The following PFKP variants were observed in gnomAD, a reference collection of about 807,000 sequenced individuals.
PFKP encodes ATP-dependent 6-phosphofructokinase, platelet type.
Under a neutral mutation model 94.3 loss-of-function variants are expected in PFKP, and 101 were observed. The ratio of observed to expected loss-of-function variants is 1.07; its 90% confidence interval spans 0.91 to 1.26. The LOEUF is 1.26. PFKP is among the 50% of genes most tolerant of loss of function. PFKP has a pLI of 0.00. For synonymous variants in PFKP, 573 were observed against 432.6 expected (o/e 1.32, Z -4.03); for missense variants, 1,145 against 1,103.3 (o/e 1.04, Z -0.53).
intron 3 of PFKP, chr10:3,100,801 G>C (rs942999950): frequency 1.7e-6 from 1 of 594,792 alleles, no homozygotes; most frequent in African/African-American, 2.0e-5. Flanking sequence ...TGGAAGTTTG[G>C]ATGAAAGAAT....
chr10:3,100,056 GGTGTGTGT>G (rs55739223), intron 3 of PFKP, among the ~76,000 whole-genome samples: 5 of 137,744 alleles, frequency 3.6e-5, no homozygotes, highest in African/African-American at 1.2e-4. Flanking sequence ...GTAGGTGTGT[GGTGTGTGT>G]GTGTGTGTGT....
In PFKP at chr10:3,125,960, A is replaced by T. The variant is rs558819894; in HGVS notation, c.1684-3859A>T. On this transcript the variant is annotated intron_variant, in intron 16 of 21. Coordinates refer to ENST00000381125, the MANE Select transcript of PFKP (RefSeq NM_002627.5). Reference sequence around the variant, plus strand: ...GTGGGGTCACGTCCGTGACTTGGCCACCTGGTGCGAGGGACCCACAGCAAA... The same window carrying T: ...GTGGGGTCACGTCCGTGACTTGGCCTCCTGGTGCGAGGGACCCACAGCAAA... Among the ~76,000 whole-genome samples, 267 of 152,248 alleles carry T rather than the reference A, an allele frequency of 1.8e-3. 1 individual carries two copies. Among genetic ancestry groups the T allele is most frequent in the Non-Finnish European group, 2.8e-3 (193 of 68,016 alleles).
At chr10:3,112,454 T>TGAC (rs1393900793) in intron 11 of PFKP, among the ~76,000 whole-genome samples, 168 bp downstream of exon 11, 2 of 152,144 alleles carry the variant, frequency 1.3e-5, no homozygotes, top group African/African-American at 4.8e-5. Context: ...TGGTGACTGG[T>TGAC]TAGAGAGAAA....
At chr10:3,107,751 C>CTCACA (rs34810963) in intron 8 of PFKP, 1 of 984,956 alleles carries the variant, frequency 1.0e-6, no homozygotes, top group African/African-American at 1.8e-5. Flanking sequence ...CACATTCTTA[C>CTCACA]AAAGCCACTG....
chr10:3,096,062 T>G (rs1834452449), intron 2 of PFKP, among the ~76,000 whole-genome samples: 1 of 152,248 alleles, frequency 6.6e-6, no homozygotes, highest in South Asian at 2.1e-4. Flanking sequence ...AGAGCAGTTT[T>G]CTTACTACTC....
Position 3,113,202 on chromosome 10 carries a change from C to T in PFKP, c.1224+14C>T, listed in dbSNP as rs202232304. On this transcript the variant is annotated intron_variant, in intron 12 of 21. Coordinates refer to ENST00000381125, the MANE Select transcript of PFKP (RefSeq NM_002627.5). Reference sequence around the variant, plus strand: ...CAGATCCCAAAGGTAGGTGGCCGGCCTCCCGCGATGCCCCGACCTCTCCTG... The same window carrying T: ...CAGATCCCAAAGGTAGGTGGCCGGCTTCCCGCGATGCCCCGACCTCTCCTG... The T allele has an allele frequency of 2.2e-4, 350 of 1,608,460 alleles. 1 individual carries two copies. In the African/African-American group the frequency reaches 4.4e-3, roughly 20 times the overall value.
At chr10:3,124,725 C>T (rs1340526337) in intron 16 of PFKP, among the ~76,000 whole-genome samples, 1 of 152,230 alleles carries the variant, frequency 6.6e-6, no homozygotes, top group Non-Finnish European at 1.5e-5. Flanking sequence ...TTGGCTTTGC[C>T]TTTAAGTGTC....
At chr10:3,092,125 C>G (rs1834090817) in intron 2 of PFKP, among the ~76,000 whole-genome samples, 1 of 152,184 alleles carries the variant, frequency 6.6e-6, no homozygotes, top group South Asian at 2.1e-4. Context: ...GCTCAGGTGC[C>G]CGAGGGTCTC....
chr10:3,070,901 TA>T (rs1342198365), intron 1 of PFKP, among the ~76,000 whole-genome samples: 1 of 139,824 alleles, frequency 7.2e-6, no homozygotes, highest in Non-Finnish European at 1.6e-5. Context: ...ACCAGCTAAT[TA>T]TTATTATTAT....
chr10:3,130,625 T>TACAAG (rs1305831257), intron 17 of PFKP, among the ~76,000 whole-genome samples: 1 of 152,226 alleles, frequency 6.6e-6, no homozygotes, highest in Admixed American at 6.5e-5. Flanking sequence ...AGTGGCGTGG[T>TACAAG]CTCGGCTTAC....
rs1564308546 is a variant in PFKP, at chr10:3,106,220, ACGGGGCGCC to A, written c.774+720_774+728del. The stretch of plus-strand genomic sequence containing the variant: ...GAGGGAGGCAGAAAGCATGGCGTGC[ACGGGGCGCC>A]TGTGGGGCGTCCACCTGTGTGTCCT... On this transcript the variant is annotated intron_variant, in intron 7 of 21. Coordinates refer to ENST00000381125, the MANE Select transcript of PFKP (RefSeq NM_002627.5). 4.9e-4 allele frequency among the ~76,000 whole-genome samples: 74 copies of A among 150,708 alleles called. 1 individual carries two copies. The highest frequency in any genetic ancestry group is 1.7e-3 in the African/African-American group (71 of 41,004).
At chr10:3,087,949 G>A (rs1185682835) in intron 2 of PFKP, among the ~76,000 whole-genome samples, 1 of 143,866 alleles carries the variant, frequency 7.0e-6, no homozygotes, top group Non-Finnish European at 1.5e-5. Context: ...TCATCATTTT[G>A]CTGTTACAGA....
intron 13 of PFKP, 102 bp from the exon 14 acceptor site, chr10:3,116,674 C>A: frequency 1.2e-6 from 1 of 859,836 alleles, no homozygotes; most frequent in Non-Finnish European, 2.0e-6. Flanking sequence ...AAATCTTTAC[C>A]GGAATGCAGC....
At chr10:3,093,904 A>G (rs7896829) in intron 2 of PFKP, among the ~76,000 whole-genome samples, 46,312 of 152,056 alleles carry the variant, frequency 0.3, 8,356 homozygotes, top group Non-Finnish European at 0.4. Context: ...TGGCCTCCCA[A>G]AGTGCTGGGA....
At chr10:3,111,353 C>T (rs999306386) in intron 10 of PFKP, among the ~76,000 whole-genome samples, 1 of 151,992 alleles carries the variant, frequency 6.6e-6, no homozygotes, top group Non-Finnish European at 1.5e-5. Flanking sequence ...TGTGTGTCTG[C>T]ACGTTAGTGT....
chr10:3,133,142 A>C, intron 18 of PFKP, 61 bp from the exon 19 acceptor site: 2 of 1,237,598 alleles, frequency 1.6e-6, no homozygotes, highest in Non-Finnish European at 2.4e-6. Flanking sequence ...CCATCTCCCC[A>C]AGCAGGGAGC....
At position 3,109,375 on chromosome 10, in the gene PFKP, G is replaced by A. The variant is rs142132104; in HGVS notation, c.984G>A (p.Glu328=). 1.8e-4 allele frequency: 294 copies of A among 1,610,532 alleles called. 1 individual carries two copies. The African/African-American group carries it at 3.5e-3, about 19-fold the overall frequency. ...TCCAGGCCAGCCGCATGGGAGTGGA[G>A]GCAGTCATCGCCTTGCTAGAGGCCA... The part of the protein sequence containing the change: ...DRILASRMGV[E]AVIALLEATP... The change falls in exon 10 of 22, where the codon GAG becomes GAA. Residue 328 remains glutamate (E), a synonymous_variant. Transcript: ENST00000381125.
chr10:3,084,386 GCTCATTTAT>G (rs1455349967), intron 2 of PFKP, among the ~76,000 whole-genome samples: 1 of 152,132 alleles, frequency 6.6e-6, no homozygotes, highest in Non-Finnish European at 1.5e-5. Flanking sequence ...ATTATTCTTT[GCTCATTTAT>G]CTGTGTATCC....
At chr10:3,078,026 G>A (rs927966538) in intron 1 of PFKP, among the ~76,000 whole-genome samples, 1 of 152,180 alleles carries the variant, frequency 6.6e-6, no homozygotes, top group Non-Finnish European at 1.5e-5. Flanking sequence ...CTTGGGTTGG[G>A]CTCCCAAAAC....
Sources: allele counts gnomAD v4.1 joint callset (sites outside exome capture counted in the v4.1 genomes callset), GRCh38; gene constraint gnomAD v4.1.1; transcripts MANE v1.5; gene names NCBI Gene and HGNC (gene_info 2026-07-23, HGNC 2026-07-21).